RIMS2: variants seen among roughly 807,000 people sequenced by gnomAD.
RIMS2 encodes regulating synaptic membrane exocytosis protein 2.
Under a neutral mutation model 174.4 loss-of-function variants are expected in RIMS2, and 59 were observed. That is an observed-to-expected ratio of 0.34 (90% confidence interval 0.27 to 0.42). The LOEUF is 0.42. RIMS2 is among the 10% of genes least tolerant of loss of function. The pLI, the probability that RIMS2 is intolerant of heterozygous loss-of-function variation, is 1.00. For synonymous variants in RIMS2, 606 were observed against 572.5 expected (o/e 1.06, Z -0.84); for missense variants, 1,620 against 1,666.3 (o/e 0.97, Z 0.48).
At chr8:103,865,585 T>C (rs761419978) in intron 3 of RIMS2, among the ~76,000 whole-genome samples, 17 of 152,068 alleles carry the variant, frequency 1.1e-4, no homozygotes, top group Non-Finnish European at 2.2e-4. Flanking sequence ...ACACCCAGCA[T>C]CCATATCAGT....
At chr8:103,856,340 A>C (rs1369918501) in intron 3 of RIMS2, among the ~76,000 whole-genome samples, 2 of 152,078 alleles carry the variant, frequency 1.3e-5, no homozygotes, top group East Asian at 3.8e-4. Flanking sequence ...AGATGGTTGG[A>C]GCTTGTCTTT....
At chr8:103,531,242 C>G (rs374086228) in intron 1 of RIMS2, among the ~76,000 whole-genome samples, 1 of 151,910 alleles carries the variant, frequency 6.6e-6, no homozygotes, top group Non-Finnish European at 1.5e-5. Flanking sequence ...CATGGAATAC[C>G]AAAATCGACC....
At chr8:104,037,950 G>A (rs1039116393) in intron 19 of RIMS2, among the ~76,000 whole-genome samples, 6 of 152,004 alleles carry the variant, frequency 3.9e-5, no homozygotes, top group Admixed American at 3.9e-4. Context: ...AAATACAATT[G>A]TGTCACAGTT....
intron 9 of RIMS2, chr8:103,920,696 AT>A (rs1317624727): frequency 2.2e-6 from 1 of 457,186 alleles, no homozygotes; most frequent in Non-Finnish European, 4.4e-6. Context: ...TCCCTTAAAT[AT>A]AGGTCTTCCT....
At chr8:103,665,461 A>G (rs1024668641) in intron 1 of RIMS2, among the ~76,000 whole-genome samples, 1 of 152,242 alleles carries the variant, frequency 6.6e-6, no homozygotes, top group Non-Finnish European at 1.5e-5. Context: ...GACTTCTGGC[A>G]TCAAGTCTTT....
chr8:103,963,529 T>C (rs2090872358), intron 15 of RIMS2, among the ~76,000 whole-genome samples: 1 of 152,184 alleles, frequency 6.6e-6, no homozygotes, highest in Non-Finnish European at 1.5e-5. Flanking sequence ...AGTAATATTT[T>C]CTATGTGTTT....
Position 103,886,189 on chromosome 8 carries a change from T to C in RIMS2, c.1590T>C (p.Asp530=), listed in dbSNP as rs769054019. Residue 530 remains aspartate, a synonymous_variant, in exon 4 of 24, where the codon GAT becomes GAC. Transcript: ENST00000504942. The stretch of plus-strand genomic sequence containing the variant: ...CGCCTGAATATACAAGTTGTGATGA[T>C]GTTGAGATTGAAAGTGAGAGTGTAA... 3 of 1,611,956 alleles carry C rather than the reference T, an allele frequency of 1.9e-6. No individual in the cohort carries two copies. The South Asian group carries it at 3.3e-5, about 18-fold the overall frequency.
intron 1 of RIMS2, among the ~76,000 whole-genome samples, chr8:103,639,295 T>C (rs544206609): frequency 9.2e-5 from 14 of 152,084 alleles, no homozygotes; most frequent in African/African-American, 3.4e-4. Context: ...ACACTTTGTA[T>C]TCCTTCCAGG....
intron 19 of RIMS2, among the ~76,000 whole-genome samples, chr8:104,153,076 A>G (rs2098699675): frequency 6.6e-6 from 1 of 152,180 alleles, no homozygotes; most frequent in South Asian, 2.1e-4. Flanking sequence ...GTAAATAATA[A>G]TTGGCAAAGG....
chr8:104,068,748 A>C, intron 19 of RIMS2, 136 bp downstream of exon 23: 1 of 563,648 alleles, frequency 1.8e-6, no homozygotes, highest in Non-Finnish European at 3.1e-6. Flanking sequence ...TAAGTGCTAA[A>C]ATTTATGTGT....
chr8:103,643,439 C>A (rs2096269191), intron 1 of RIMS2, among the ~76,000 whole-genome samples: 1 of 151,990 alleles, frequency 6.6e-6, no homozygotes, highest in African/African-American at 2.4e-5. Context: ...TTTTTTCTTG[C>A]CACTTAGAAT....
chr8:103,818,336 A>G (rs1222562627), intron 3 of RIMS2, among the ~76,000 whole-genome samples: 3 of 152,210 alleles, frequency 2.0e-5, no homozygotes, highest in Admixed American at 6.5e-5. Flanking sequence ...GCATCTCTGC[A>G]AGTGAGTTAA....
chr8:104,063,151 A>G (rs910711989), intron 19 of RIMS2, among the ~76,000 whole-genome samples: 1 of 152,016 alleles, frequency 6.6e-6, no homozygotes, highest in African/African-American at 2.4e-5. Context: ...TTACAACTTA[A>G]TATTTACACC....
intron 4 of RIMS2, among the ~76,000 whole-genome samples, chr8:103,889,179 G>A (rs1222609807): frequency 1.3e-5 from 2 of 151,702 alleles, no homozygotes; most frequent in African/African-American, 4.8e-5. Flanking sequence ...ATCTTTGATA[G>A]TTAACTAATG....
intron 1 of RIMS2, among the ~76,000 whole-genome samples, chr8:103,558,631 G>A (rs978612373): frequency 5.4e-5 from 8 of 149,206 alleles, no homozygotes; most frequent in African/African-American, 2.0e-4. Context: ...GGATAAGATA[G>A]TTTTTTTTTT....
chr8:104,254,434 T>C (rs2099365339), downstream of RIMS2: 1 of 152,206 alleles, frequency 6.6e-6, no homozygotes, highest in African/African-American at 2.4e-5. Flanking sequence ...TACAGGCGTC[T>C]GCAGTGCTTT....
At chr8:103,638,310 C>T (rs926570641) in intron 1 of RIMS2, among the ~76,000 whole-genome samples, 5 of 152,016 alleles carry the variant, frequency 3.3e-5, no homozygotes, top group Non-Finnish European at 7.4e-5. Context: ...ATTGCTTCTC[C>T]TTTAAGCTTT....
At chr8:103,662,714 CTATCTATA>C (rs1021839598) in intron 1 of RIMS2, among the ~76,000 whole-genome samples, 1 of 144,140 alleles carries the variant, frequency 6.9e-6, no homozygotes, top group African/African-American at 2.5e-5. Flanking sequence ...ATCTATCTAT[CTATCTATA>C]GTCTTATAAA....
chr8:103,508,966 A>G (rs1825125459), intron 1 of RIMS2, among the ~76,000 whole-genome samples: 1 of 151,972 alleles, frequency 6.6e-6, no homozygotes, highest in African/African-American at 2.4e-5. Context: ...TGCTTATCTC[A>G]CTTATAGTTA....
Sources: gnomAD v4.1 joint callset for allele counts (sites outside exome capture counted in the v4.1 genomes callset) on GRCh38, gnomAD v4.1.1 for gene constraint, MANE v1.5 for transcripts, NCBI Gene and HGNC (gene_info 2026-07-23, HGNC 2026-07-21) for gene names.